The following TTLL12 variants were observed in gnomAD, a reference collection of about 807,000 sequenced individuals.
TTLL12 encodes the protein tubulin tyrosine ligase like 12.
TTLL12 carries 77 observed loss-of-function variants against 79.6 expected under a neutral mutation model. The ratio of observed to expected loss-of-function variants is 0.97; its 90% CI spans 0.81 to 1.17. The LOEUF (loss-of-function observed/expected upper bound fraction) is 1.17. Among genes scored for constraint, TTLL12 ranks in the 50% most tolerant of loss-of-function variants. TTLL12 has a pLI of 0.00. For missense variants in TTLL12, 969 were observed against 895.9 expected, an observed-to-expected ratio of 1.08 and a Z score of -1.04; for synonymous variants, 437 against 376.1, an observed-to-expected ratio of 1.16 and a Z score of -1.87.
Position 43,180,030 on chromosome 22 carries a change from G to A in TTLL12, c.547-30C>T, listed in dbSNP as rs746332040. ...AGACAGAGCACATATGGCACCTCTC[G>A]CTCACCCATCCACCCACCGGAACTC... On this transcript the variant is annotated intron_variant, in intron 3 of 13. Transcript: ENST00000216129. 145 of 1,546,324 alleles carry A rather than the reference G, an allele frequency of 9.4e-5. 1 individual carries two copies. Among genetic ancestry groups the A allele is most frequent in the Non-Finnish European group, 1.2e-4 (132 of 1,147,406 alleles).
Position 43,167,988 on chromosome 22 carries a change from G to C in TTLL12, c.*20C>G. On this transcript the variant is annotated 3_prime_UTR_variant, in exon 14 of 14. Coordinates refer to ENST00000216129, the MANE Select transcript of TTLL12 (RefSeq NM_015140.4). ...GGTTGGAATCCTGCCCCAAGCACAG[G>C]TTTTGGGGACAGCGAGTGCCTAGAC... The C allele has an allele frequency of 6.2e-7, 1 of 1,611,192 alleles. No individual in the cohort carries two copies. The highest frequency in any genetic ancestry group is 8.5e-7 in the Non-Finnish European group (1 of 1,178,014).
chr22:43,179,865 G>T lies in TTLL12; in HGVS notation c.682C>A (p.Pro228Thr), dbSNP rs767087097. 5 of 1,601,564 alleles carry T rather than the reference G, an allele frequency of 3.1e-6. No homozygotes were observed. The Admixed American group carries it at 8.4e-5, about 27-fold the overall frequency. The change falls in exon 4 of 14, where the codon CCC (proline) becomes ACC (threonine). Residue 228 changes from proline to threonine, a missense_variant. Coordinates refer to ENST00000216129, the MANE Select transcript of TTLL12 (RefSeq NM_015140.4). ...CCGCCAGTGTCCAGGTCCCTCAGGGGCCACAGCAGCGTGTAGGCCACCTGC... is the reference window on the plus strand; with the variant it reads ...CCGCCAGTGTCCAGGTCCCTCAGGGTCCACAGCAGCGTGTAGGCCACCTGC... ...PQQVAYTLLW[P>T]LRDLDTGEEV...
rs1313199312 is a variant in TTLL12 at position 43,168,057 on chromosome 22, G to A, written c.1886C>T (p.Thr629Ile). 1 of 1,614,058 alleles carries A rather than the reference G, an allele frequency of 6.2e-7. No individual in the cohort carries two copies. Among genetic ancestry groups the A allele is most frequent in the African/African-American group, 1.3e-5 (1 of 74,950 alleles). Reference protein sequence around the residue: ...HPTFFNDVFSTLFLDQPGGCH... With the variant: ...HPTFFNDVFSILFLDQPGGCH... ...GCCACCGGGCTGGTCCAGAAACAAG[G>A]TGCTGAAGACGTCGTTGAAGAAGGT... is the stretch of plus-strand genomic sequence containing the variant. Residue 629 changes from threonine (T) to isoleucine (I), a missense_variant, in exon 14 of 14, where the codon ACC becomes ATC. Coordinates refer to ENST00000216129, the MANE Select transcript of TTLL12 (RefSeq NM_015140.4).
chr22:43,172,738 C>A (rs1418604667), intron 9 of TTLL12, among the ~76,000 whole-genome samples, 184 bp from the exon 10 acceptor site: 2 of 151,318 alleles, frequency 1.3e-5, no homozygotes, highest in South Asian at 4.2e-4. Context: ...TGTTCTGTTG[C>A]CCAAGCTGGA....
intron 9 of TTLL12, 124 bp downstream of exon 9, chr22:43,173,591 G>C: frequency 1.2e-6 from 1 of 863,586 alleles, no homozygotes; most frequent in Non-Finnish European, 1.7e-6. Context: ...GAGATTACAG[G>C]TGTAAGCCAC....
At chr22:43,172,028 G>A in intron 10 of TTLL12, 128 bp from the exon 11 acceptor site, 12 of 779,746 alleles carry the variant, frequency 1.5e-5, no homozygotes, top group South Asian at 6.5e-5. Flanking sequence ...CTGCTCAGGC[G>A]GGAGCCTGTT....
Position 43,180,934 on chromosome 22 carries a change from G to C in TTLL12, c.354C>G (p.Phe118Leu). Residue 118 changes from phenylalanine to leucine, a missense_variant, in exon 3 of 14, where the codon TTC becomes TTG. Transcript: ENST00000216129. ...GGCACGTCCAGGCGTGGTCGATGAG[G>C]AAGATGCTGCGGGCACAGGCCACAA... is the stretch of plus-strand genomic sequence containing the variant. ...GLQAAHPNSIFLIDHAWTCRV... is the reference protein window; with the variant it reads ...GLQAAHPNSILLIDHAWTCRV... 2 of 1,610,850 alleles carry C rather than the reference G, an allele frequency of 1.2e-6. No individual in the cohort carries two copies. The highest frequency in any genetic ancestry group is 1.7e-6 in the Non-Finnish European group (2 of 1,179,166).
At chr22:43,184,497 G>A (rs1268016817) in intron 1 of TTLL12, among the ~76,000 whole-genome samples, 2 of 152,244 alleles carry the variant, frequency 1.3e-5, no homozygotes, top group Admixed American at 6.5e-5. Flanking sequence ...TACGGGGTGA[G>A]GATGGAAAGG....
At chr22:43,180,096 T>C (rs1238268151) in intron 3 of TTLL12, 96 bp from the exon 4 acceptor site, 4 of 1,423,768 alleles carry the variant, frequency 2.8e-6, no homozygotes, top group Admixed American at 2.1e-5. Context: ...CCACAGCCAT[T>C]TCTCTGATCT....
rs1931642209 is a variant in TTLL12 at position 43,167,338 on chromosome 22, A to C, written c.*670T>G. 2.9e-6 allele frequency: 1 copy of C among 349,420 alleles called. No homozygotes were observed. Among genetic ancestry groups the C allele is most frequent in the African/African-American group, 2.2e-5 (1 of 46,350 alleles). 21.6% of individuals were successfully genotyped at this position (349,420 alleles called of 1,614,324 possible). A position where few individuals can be genotyped will look rare whatever the true frequency, so the allele number is the denominator to read the frequency against. On this transcript the variant is annotated 3_prime_UTR_variant, in exon 14 of 14. Coordinates refer to ENST00000216129, the MANE Select transcript of TTLL12 (RefSeq NM_015140.4). ...CTGTGACCCTCAGCAAACGAAAAGG[A>C]AACGGTAACAAGACGGTGGCCTCCT...
Position 43,171,607 on chromosome 22 carries a change from C to G in TTLL12, c.1575+212G>C, listed in dbSNP as rs140299107. The G allele has an allele frequency of 6.5e-4, 346 of 536,336 alleles. 2 individuals carry two copies. The highest frequency in any genetic ancestry group is 5.9e-3 in the African/African-American group (311 of 52,738). The allele number at this position is 536,336 out of a possible 1,614,324, so 33.2% of individuals were successfully genotyped here. ...TATCTCAAACACAGCCAGTGGCCCT[C>G]TGTGCCGTGGGGAGACCTACCTGAG... On this transcript the variant is annotated intron_variant, in intron 11 of 13. Transcript: ENST00000216129.
intron 11 of TTLL12, among the ~76,000 whole-genome samples, chr22:43,170,444 A>C (rs147548976): frequency 1.2e-3 from 186 of 152,352 alleles, no homozygotes; most frequent in African/African-American, 4.1e-3. Flanking sequence ...GGGCATGGCC[A>C]GGTGCCTCCA....
Position 43,186,900 on chromosome 22 carries a change from T to C in TTLL12, c.170A>G (p.Glu57Gly), listed in dbSNP as rs1170800611. ...RYWGRLLHKL[E>G]HEVFDAGEVF... ...CGCCGCCCTTCCCCGCACCTCGTGC[T>C]CCAGCTTGTGCAGGAGGCGGCCCCA... Residue 57 changes from glutamate to glycine, a missense_variant, in exon 1 of 14, where the codon GAG becomes GGG. Transcript: ENST00000216129. The C allele has an allele frequency of 7.6e-7, 1 of 1,311,346 alleles. No individual in the cohort carries two copies. 81.2% of individuals were successfully genotyped at this position (1,311,346 alleles called of 1,614,324 possible).
chr22:43,181,927 T>A (rs1297117850), intron 2 of TTLL12, among the ~76,000 whole-genome samples: 71 of 149,426 alleles, frequency 4.8e-4, no homozygotes, highest in Non-Finnish European at 3.0e-5. Flanking sequence ...AGGGGTGTTG[T>A]ACAAAGATAG....
At chr22:43,185,299 A>G (rs1347292202) in intron 1 of TTLL12, among the ~76,000 whole-genome samples, 3 of 90,914 alleles carry the variant, frequency 3.3e-5, no homozygotes, top group South Asian at 3.3e-4. Flanking sequence ...ATATATATAT[A>G]TGTATGTATC....
chr22:43,184,584 T>C (rs1442992416), intron 1 of TTLL12, among the ~76,000 whole-genome samples: 1 of 152,198 alleles, frequency 6.6e-6, no homozygotes, highest in African/African-American at 2.4e-5. Context: ...AGGGGTCACA[T>C]GAGAGACAAG....
intron 8 of TTLL12, among the ~76,000 whole-genome samples, 162 bp from the exon 9 acceptor site, chr22:43,173,988 T>A (rs968022159): frequency 2.6e-5 from 4 of 152,170 alleles, no homozygotes; most frequent in African/African-American, 7.2e-5. Context: ...AAGGAGGGGT[T>A]TGCCAGAGGC....
chr22:43,183,121 A>G lies in TTLL12; in HGVS notation c.206T>C (p.Ile69Thr). The G allele has an allele frequency of 1.9e-6, 3 of 1,613,790 alleles. No homozygotes were observed. The highest frequency in any genetic ancestry group is 2.5e-6 in the Non-Finnish European group (3 of 1,179,964). ...CTCTTCTACCTCCTCCACTTGCATG[A>G]TCCCAAACACTTCCCCAGCGTCGAA... ...EVFDAGEVFG[I>T]MQVEEVEEEE... is the part of the protein sequence containing the mutation. The change falls in exon 2 of 14, where the codon ATC becomes ACC. Residue 69 changes from isoleucine (I) to threonine (T), a missense_variant. Ile to Thr is a moderately conservative substitution (Grantham distance 89). Coordinates refer to ENST00000216129, the MANE Select transcript of TTLL12 (RefSeq NM_015140.4).
At position 43,168,110 on chromosome 22, in the gene TTLL12, G is replaced by A; in HGVS notation, c.1833C>T (p.Asp611=). ...GGTGGTACCTGCAGGCTCGCTCACA[G>A]TCGGGGTTGAAGTTCACCTCCAGGA... The part of the protein sequence containing the change: ...PQILEVNFNP[D]CERACRYHPT... The change falls in exon 14 of 14, where the codon GAC becomes GAT. Residue 611 remains aspartate (D), a synonymous_variant. Transcript: ENST00000216129. The A allele has an allele frequency of 6.2e-7, 1 of 1,614,172 alleles. No homozygotes were observed. The highest frequency in any genetic ancestry group is 8.5e-7 in the Non-Finnish European group (1 of 1,180,008).
Sources: gnomAD v4.1 joint callset for allele counts (sites outside exome capture counted in the v4.1 genomes callset) on GRCh38, gnomAD v4.1.1 for gene constraint, MANE v1.5 for transcripts, NCBI Gene and HGNC (gene_info 2026-07-23, HGNC 2026-07-21) for gene names.